RELN: variants seen among roughly 807,000 people sequenced by gnomAD.
RELN encodes the protein reelin.
A neutral mutation model predicts 427.6 loss-of-function variants in RELN; 108 were observed. That is an observed-to-expected ratio of 0.25 (90% CI 0.22 to 0.30). RELN has a LOEUF of 0.30. Among genes scored for constraint, RELN ranks in the 10% least tolerant of loss-of-function variants. RELN has a pLI of 1.00. For missense variants in RELN, 3,715 were observed against 4,302.8 expected (o/e 0.86, Z 3.82); for synonymous variants, 1,524 against 1,513.4 (o/e 1.01, Z -0.16).
chr7:103,825,637 G>A (rs1584271498), intron 3 of RELN, among the ~76,000 whole-genome samples: 1 of 152,210 alleles, frequency 6.6e-6, no homozygotes, highest in South Asian at 2.1e-4. Flanking sequence ...AATGATAACA[G>A]ATTATCGAAT....
chr7:103,837,866 T>G (rs1266543374), intron 2 of RELN, among the ~76,000 whole-genome samples: 1 of 152,134 alleles, frequency 6.6e-6, no homozygotes, highest in Non-Finnish European at 1.5e-5. Flanking sequence ...ATATCACAGA[T>G]TCTCAAGAAA....
chr7:103,779,045 G>A lies in RELN; in HGVS notation c.474-2418C>T, dbSNP rs181331055. On this transcript the variant is annotated intron_variant, in intron 3 of 64. Transcript: ENST00000428762. Reference sequence around the variant, plus strand: ...CAGGCAGGATATTAACCTACTGAAGGTTACACAGCCCATTAATGGTAGATA... The same window carrying A: ...CAGGCAGGATATTAACCTACTGAAGATTACACAGCCCATTAATGGTAGATA... Among the ~76,000 whole-genome samples the A allele has an allele frequency of 1.1e-4, 16 of 152,242 alleles. No homozygotes were observed. In the East Asian group the frequency reaches 3.1e-3, roughly 29 times the overall value.
At chr7:103,935,916 G>A (rs1429136509) in intron 1 of RELN, among the ~76,000 whole-genome samples, 1 of 151,982 alleles carries the variant, frequency 6.6e-6, no homozygotes, top group Admixed American at 6.6e-5. Flanking sequence ...GTTCAACCAA[G>A]TGCAAAACCC....
chr7:103,644,847 T>C (rs943492656), intron 16 of RELN, among the ~76,000 whole-genome samples: 28 of 151,782 alleles, frequency 1.8e-4, no homozygotes, highest in African/African-American at 6.7e-4. Context: ...CTAGAGACAG[T>C]GTGAAGGAAA....
chr7:103,779,806 C>T (rs1791840281), intron 3 of RELN, among the ~76,000 whole-genome samples: 1 of 152,172 alleles, frequency 6.6e-6, no homozygotes, highest in Non-Finnish European at 1.5e-5. Flanking sequence ...TGGCTCGCTG[C>T]AACCACCACC....
chr7:103,498,312 T>G, intron 53 of RELN, 60 bp from the exon 54 acceptor site: 1 of 1,462,932 alleles, frequency 6.8e-7, no homozygotes, highest in Non-Finnish European at 9.6e-7. Context: ...TATGGAATAT[T>G]TAAGAAAATA....
At chr7:103,882,662 C>T (rs544850480) in intron 2 of RELN, among the ~76,000 whole-genome samples, 1 of 152,094 alleles carries the variant, frequency 6.6e-6, no homozygotes, top group East Asian at 1.9e-4. Context: ...ACTATAAACA[C>T]ATCTACACAA....
intron 6 of RELN, among the ~76,000 whole-genome samples, chr7:103,738,312 C>T (rs1790545222): frequency 6.6e-6 from 1 of 151,706 alleles, no homozygotes; most frequent in South Asian, 2.1e-4. Context: ...AACTAAAATC[C>T]ATTCATGTTT....
intron 2 of RELN, among the ~76,000 whole-genome samples, chr7:103,847,737 T>G (rs1793714892): frequency 6.6e-6 from 1 of 152,154 alleles, no homozygotes; most frequent in African/African-American, 2.4e-5. Context: ...GAGGCTCTTT[T>G]TACTCTCCTA....
chr7:103,987,792 A>C (rs1243988085), intron 1 of RELN, among the ~76,000 whole-genome samples: 1 of 152,202 alleles, frequency 6.6e-6, no homozygotes, highest in African/African-American at 2.4e-5. Flanking sequence ...TAGTTACAGA[A>C]CATTAATTTT....
chr7:103,963,144 T>TTTTTTTTC (rs1554449248), intron 1 of RELN, among the ~76,000 whole-genome samples: 7 of 151,186 alleles, frequency 4.6e-5, no homozygotes, highest in Middle Eastern at 3.4e-3. Context: ...CTTTTTTTTT[T>TTTTTTTTC]CTCATTGGCG....
intron 3 of RELN, among the ~76,000 whole-genome samples, chr7:103,788,547 A>G (rs1478337700): frequency 6.6e-6 from 1 of 152,192 alleles, no homozygotes; most frequent in East Asian, 1.9e-4. Context: ...AACCAATAAT[A>G]GACAAACAGA....
At position 103,594,310 on chromosome 7, in the gene RELN, T is replaced by C. The variant is rs1371422909; in HGVS notation, c.3711+11A>G. The C allele has an allele frequency of 1.2e-5, 19 of 1,611,748 alleles. No homozygotes were observed. The highest frequency in any genetic ancestry group is 1.7e-4 in the Middle Eastern group (1 of 6,048). On this transcript the variant is annotated intron_variant, in intron 26 of 64. Transcript: ENST00000428762. ...TATCTGTCTTCTTGGAGTTCAGACA[T>C]AGGAGAATACCTGAGGTAAAGTTGG...
intron 58 of RELN, 91 bp downstream of exon 58, chr7:103,491,842 TCTCTCTCTCTCTCTCACACA>T: frequency 1.6e-6 from 1 of 626,364 alleles, no homozygotes; most frequent in South Asian, 1.6e-5. Flanking sequence ...TCTCTCTCTC[TCTCTCTCTCTCTCTCACACA>T]CACACACACA....
At chr7:103,693,545 TA>T (rs11321258) in intron 10 of RELN, among the ~76,000 whole-genome samples, 28,639 of 133,974 alleles carry the variant, frequency 0.21, 3,424 homozygotes, top group African/African-American at 0.35. Flanking sequence ...TCCAGCAAAA[TA>T]AAAAAAAAAT....
Position 103,953,987 on chromosome 7 carries a change from C to T in RELN, c.226+35144G>A, listed in dbSNP as rs562907650. Among the ~76,000 whole-genome samples, 14 of 151,972 alleles carry T rather than the reference C, an allele frequency of 9.2e-5. No individual in the cohort carries two copies. Among genetic ancestry groups the T allele is most frequent in the Middle Eastern group, 3.4e-3 (1 of 294 alleles). On this transcript the variant is annotated intron_variant, in intron 1 of 64. Coordinates refer to ENST00000428762, the MANE Select transcript of RELN (RefSeq NM_005045.4). The surrounding 1 kb of genome is among the most constrained non-coding windows in gnomAD (Gnocchi z 4.3). Reference sequence around the variant, plus strand: ...AAAACAGGCGGGGCATAGTGGCTCACGCCTGTAATCCTAACACTTTGGGAG... The same window carrying T: ...AAAACAGGCGGGGCATAGTGGCTCATGCCTGTAATCCTAACACTTTGGGAG...
chr7:103,844,901 G>T (rs2116444793), intron 2 of RELN, among the ~76,000 whole-genome samples: 1 of 152,274 alleles, frequency 6.6e-6, no homozygotes, highest in East Asian at 1.9e-4. Context: ...ATTTAAATAG[G>T]TAAATGAGCT....
intron 16 of RELN, among the ~76,000 whole-genome samples, chr7:103,643,555 CA>C (rs1832736583): frequency 6.6e-6 from 1 of 151,852 alleles, no homozygotes; most frequent in Non-Finnish European, 1.5e-5. Flanking sequence ...TCCTGGAGTA[CA>C]GCAGCTATTC....
intron 12 of RELN, among the ~76,000 whole-genome samples, chr7:103,658,224 T>G (rs925619195): frequency 2.6e-5 from 4 of 152,128 alleles, no homozygotes; most frequent in East Asian, 1.9e-4. Context: ...ACTTTGAAAG[T>G]TGAGCAAGTT....
Sources: gnomAD v4.1 joint callset for allele counts (sites outside exome capture counted in the v4.1 genomes callset) on GRCh38, gnomAD v4.1.1 for gene constraint, Gnocchi (gnomAD v3.1) non-coding constraint, MANE v1.5 for transcripts, NCBI Gene and HGNC (gene_info 2026-07-23, HGNC 2026-07-21) for gene names.